NOTCH2NLC: variants seen among roughly 807,000 people sequenced by gnomAD.
NOTCH2NLC encodes notch homolog 2 N-terminal-like protein C.
NOTCH2NLC carries 4 observed loss-of-function variants against 17.7 expected under a neutral mutation model. The observed-to-expected ratio is 0.23, with a 90% CI of 0.11 to 0.52. The LOEUF (loss-of-function observed/expected upper bound fraction) is 0.52, where lower values mean the gene tolerates loss of function less well. Among genes scored for constraint, NOTCH2NLC ranks in the 20% least tolerant of loss-of-function variants. The pLI is 0.96. For missense variants in NOTCH2NLC, 57 were observed against 207.2 expected (o/e 0.28, Z 4.45); for synonymous variants, 18 against 86.0 (o/e 0.21, Z 4.38).
At chr1:149,412,898 CTTTTTTTTTTTT>C (rs1228082474) in intron 1 of NOTCH2NLC, among the ~76,000 whole-genome samples, 2 of 95,604 alleles carry the variant, frequency 2.1e-5, no homozygotes, top group Non-Finnish European at 4.1e-5. Context: ...AGATGACTGA[CTTTTTTTTTTTT>C]TTTTTTTTTT....
intron 1 of NOTCH2NLC, among the ~76,000 whole-genome samples, chr1:149,393,468 C>T (rs1278281721): frequency 6.8e-6 from 1 of 147,972 alleles, no homozygotes; most frequent in African/African-American, 2.5e-5. Context: ...TTTGAGTGCT[C>T]CTGTGTTTGG....
intron 1 of NOTCH2NLC, among the ~76,000 whole-genome samples, chr1:149,420,144 A>G (rs2084371411): frequency 1.3e-5 from 2 of 150,356 alleles, no homozygotes; most frequent in African/African-American, 2.4e-5. Context: ...TGCTGGGATT[A>G]AAGACATGAG....
At chr1:149,463,301 G>C (rs2084662480) in intron 3 of NOTCH2NLC, among the ~76,000 whole-genome samples, 190 bp from the exon 4 acceptor site, 1 of 149,660 alleles carries the variant, frequency 6.7e-6, no homozygotes, top group Non-Finnish European at 1.5e-5. Flanking sequence ...TCTCTGCTGA[G>C]GTCCTTGGAG....
At position 149,464,906 on chromosome 1, in the gene NOTCH2NLC, G is replaced by A. The variant is rs1469062995; in HGVS notation, c.*753G>A. On this transcript the variant is annotated 3_prime_UTR_variant, in exon 5 of 5. Transcript: ENST00000650865. ...TGGTTCACATATAATGGGATTGTGT[G>A]TTTTATTTTGGAGGAATTAAAGGTC... 3 of 148,694 alleles carry A rather than the reference G, an allele frequency of 2.0e-5. No individual in the cohort carries two copies. Among genetic ancestry groups the A allele is most frequent in the African/African-American group, 7.4e-5 (3 of 40,580 alleles). 9.2% of individuals were successfully genotyped at this position (148,694 alleles called of 1,614,324 possible).
At chr1:149,402,006 G>A (rs1426009454) in intron 1 of NOTCH2NLC, among the ~76,000 whole-genome samples, 4 of 140,952 alleles carry the variant, frequency 2.8e-5, no homozygotes, top group African/African-American at 7.9e-5. Context: ...CCTCACAGGG[G>A]CTAGGTGACT....
intron 3 of NOTCH2NLC, among the ~76,000 whole-genome samples, chr1:149,460,854 C>CCTTTCTTTCTTTCTTTCCTTCTTTCTTT (rs2084641215): frequency 8.8e-6 from 1 of 113,836 alleles, no homozygotes; most frequent in African/African-American, 3.4e-5. Context: ...TTTCTTTCTC[C>CCTTTCTTTCTTTCTTTCCTTCTTTCTTT]CTTTCTTTCT....
At position 149,390,866 on chromosome 1, in the gene NOTCH2NLC, C is replaced by A. The variant is rs1413197426; in HGVS notation, c.79C>A (p.Pro27Thr). ...GGDREDARPA[P>T]LCCGRCWRSG... ...CGACCGAGAAGATGCCCGCCCTGCG[C>A]CGCTCTGCTGTGGGCGCTGCTGGCG... Residue 27 changes from proline to threonine, a missense_variant, in exon 1 of 5, where the codon CCG becomes ACG. Physicochemically the swap from Pro to Thr is conservative, Grantham distance 38 (BLOSUM62 -1). Coordinates refer to ENST00000650865, the MANE Select transcript of NOTCH2NLC (RefSeq NM_001364013.2). The A allele has an allele frequency of 7.7e-6, 11 of 1,429,694 alleles. No individual in the cohort carries two copies. The highest frequency in any genetic ancestry group is 8.2e-6 in the Non-Finnish European group (9 of 1,097,656). 88.6% of individuals were successfully genotyped at this position (1,429,694 alleles called of 1,614,324 possible).
At chr1:149,435,498 A>G (rs2084476862) in intron 2 of NOTCH2NLC, among the ~76,000 whole-genome samples, 1 of 148,854 alleles carries the variant, frequency 6.7e-6, no homozygotes, top group Non-Finnish European at 1.5e-5. Context: ...TAGGGCTCTT[A>G]TTCCCAAGAT....
chr1:149,471,285 A>G lies in NOTCH2NLC; in HGVS notation c.*7132A>G, dbSNP rs1313425529. On this transcript the variant is annotated 3_prime_UTR_variant, in exon 5 of 5. Transcript: ENST00000650865. Reference sequence around the variant, plus strand: ...GTCATTCTATGTACTGTCTTTTCACATTCTTGATGATATACTTTTCAGCCC... The same window carrying G: ...GTCATTCTATGTACTGTCTTTTCACGTTCTTGATGATATACTTTTCAGCCC... Among the ~76,000 whole-genome samples, 1 of 150,848 alleles carries G rather than the reference A, an allele frequency of 6.6e-6. No individual in the cohort carries two copies. The highest frequency in any genetic ancestry group is 2.1e-4 in the South Asian group (1 of 4,762).
chr1:149,413,315 A>G (rs1187549138), intron 1 of NOTCH2NLC, among the ~76,000 whole-genome samples: 7 of 151,136 alleles, frequency 4.6e-5, no homozygotes, highest in African/African-American at 1.7e-4. Context: ...ATCTTTCCAC[A>G]TGATGGCAGA....
intron 1 of NOTCH2NLC, among the ~76,000 whole-genome samples, chr1:149,416,216 TTGG>T (rs2084334311): frequency 1.1e-5 from 1 of 94,648 alleles, no homozygotes; most frequent in Non-Finnish European, 2.1e-5. Context: ...GTTTCCTAAA[TTGG>T]GATTCAACAT....
intron 2 of NOTCH2NLC, among the ~76,000 whole-genome samples, chr1:149,454,847 A>G (rs2101507169): frequency 6.8e-6 from 1 of 147,346 alleles, no homozygotes; most frequent in East Asian, 2.2e-4. Flanking sequence ...GATACCTTAC[A>G]TATTTTAAAT....
chr1:149,399,943 A>AT (rs1328833227), intron 1 of NOTCH2NLC, among the ~76,000 whole-genome samples: 13 of 149,950 alleles, frequency 8.7e-5, no homozygotes, highest in East Asian at 7.8e-4. Flanking sequence ...CCTTTACAAG[A>AT]TTTTTTTATT....
At chr1:149,445,901 TA>T (rs1182076544) in intron 2 of NOTCH2NLC, among the ~76,000 whole-genome samples, 5,322 of 72,576 alleles carry the variant, frequency 0.073, 166 homozygotes, top group East Asian at 0.19. Flanking sequence ...ATCCTCGTTT[TA>T]AAAAAAAAAA....
At chr1:149,421,505 A>C (rs2084379515) in intron 1 of NOTCH2NLC, among the ~76,000 whole-genome samples, 1 of 147,410 alleles carries the variant, frequency 6.8e-6, no homozygotes, top group African/African-American at 2.5e-5. Flanking sequence ...TCTCAAAAAA[A>C]AAAAAAAAAA....
At position 149,430,946 on chromosome 1, in the gene NOTCH2NLC, G is replaced by C; in HGVS notation, c.140G>C (p.Arg47Pro). The stretch of plus-strand genomic sequence containing the variant: ...TTTTTATTTTTAGCATTGCAGTGTC[G>C]AGATGGCTATGAACCCTGTGTAAAT... ...GCAARPPRMC[R>P]DGYEPCVNEG... Residue 47 changes from arginine to proline, a missense_variant, in exon 2 of 5, where the codon CGA becomes CCA. This residue lies in a region of NOTCH2NLC where 18 missense variants were observed against 17.2 expected (regional missense o/e 1.05). Transcript: ENST00000650865. The C allele has an allele frequency of 2.5e-6, 1 of 404,254 alleles. No individual in the cohort carries two copies. The allele number at this position is 404,254 out of a possible 1,614,324, so 25.0% of individuals were successfully genotyped here. A position where few individuals can be genotyped will look rare whatever the true frequency, so the allele number is the denominator to read the frequency against.
rs1396991427 is a variant in NOTCH2NLC, at chr1:149,431,122, G to A, written c.209+107G>A. ...TCTGTGGAATGTTACTGGTTCTTGA[G>A]CTTTCCTGGTACAGATTTTGGTTGG... On this transcript the variant is annotated intron_variant, in intron 2 of 4. Coordinates refer to ENST00000650865, the MANE Select transcript of NOTCH2NLC (RefSeq NM_001364013.2). The A allele has an allele frequency of 9.0e-4, 124 of 137,678 alleles. 1 individual carries two copies. The African/African-American group carries it at 0.026, about 29-fold the overall frequency. The allele number at this position is 137,678 out of a possible 1,614,324, so 8.5% of individuals were successfully genotyped here.
At chr1:149,443,568 G>A (rs2101498097) in intron 2 of NOTCH2NLC, among the ~76,000 whole-genome samples, 1 of 150,790 alleles carries the variant, frequency 6.6e-6, no homozygotes, top group East Asian at 2.0e-4. Flanking sequence ...TTTTTCACAG[G>A]AAATAACATT....
chr1:149,460,602 G>A (rs1392999515), intron 3 of NOTCH2NLC, among the ~76,000 whole-genome samples: 1 of 150,064 alleles, frequency 6.7e-6, no homozygotes, highest in African/African-American at 2.4e-5. Context: ...CTCCCAAAGT[G>A]CTGGGATTAC....
Sources: gnomAD v4.1 joint callset for allele counts (sites outside exome capture counted in the v4.1 genomes callset) on GRCh38, gnomAD v4.1.1 for gene constraint, gnomAD v4.1.1 regional missense constraint, MANE v1.5 for transcripts, NCBI Gene and HGNC (gene_info 2026-07-23, HGNC 2026-07-21) for gene names.